The following SLC25A17 variants were observed in gnomAD, a reference collection of about 807,000 sequenced individuals.
The protein encoded by SLC25A17 is peroxisomal membrane protein PMP34.
In SLC25A17, 26 loss-of-function variants were observed where a neutral mutation model predicts 38.5. The ratio of observed to expected loss-of-function variants is 0.68; its 90% CI spans 0.50 to 0.94. SLC25A17 has a LOEUF of 0.94. Among genes scored for constraint, SLC25A17 ranks in the 40% least tolerant of loss-of-function variants. The pLI, the probability that SLC25A17 is intolerant of heterozygous loss-of-function variation, is 0.00. For missense variants in SLC25A17, 333 were observed against 372.7 expected, an observed-to-expected ratio of 0.89 and a Z score of 0.88; for synonymous variants, 139 against 136.2, an observed-to-expected ratio of 1.02 and a Z score of -0.14.
At chr22:40,774,369 A>C (rs1476441198) in intron 7 of SLC25A17, among the ~76,000 whole-genome samples, 2 of 152,040 alleles carry the variant, frequency 1.3e-5, no homozygotes, top group Admixed American at 1.3e-4. Context: ...GATTATAGAC[A>C]TGTACCACCA....
intron 4 of SLC25A17, among the ~76,000 whole-genome samples, chr22:40,787,517 T>C (rs1175741759): frequency 6.6e-6 from 1 of 152,110 alleles, no homozygotes; most frequent in African/African-American, 2.4e-5. Flanking sequence ...AAGCTTGAGG[T>C]AATTTGTATC....
At chr22:40,773,812 C>G (rs538906209) in intron 8 of SLC25A17, 125 bp downstream of exon 8, 1 of 722,686 alleles carries the variant, frequency 1.4e-6, no homozygotes, top group South Asian at 1.5e-5. Flanking sequence ...GCACAGCAAG[C>G]AAGGGAAAGG....
chr22:40,794,589 C>T lies in SLC25A17; in HGVS notation c.116-9G>A, dbSNP rs1200253108. The T allele has an allele frequency of 6.3e-7, 1 of 1,584,706 alleles. No individual in the cohort carries two copies. The highest frequency in any genetic ancestry group is 2.2e-5 in the East Asian group (1 of 44,642). ...TTTTCTTTTCTCATCAACTACAAGA[C>T]CAAACAGTGCATGTTTATTTTATTA... On this transcript the variant is annotated splice_polypyrimidine_tract_variant and intron_variant, in intron 2 of 8. Transcript: ENST00000435456.
intron 8 of SLC25A17, among the ~76,000 whole-genome samples, chr22:40,771,677 G>A (rs570876711): frequency 7.9e-5 from 12 of 152,282 alleles, no homozygotes; most frequent in African/African-American, 1.9e-4. Context: ...AACTCATGGA[G>A]ATAAAGGTAG....
At chr22:40,817,625 G>C (rs114292440) in intron 1 of SLC25A17, among the ~76,000 whole-genome samples, 1,963 of 152,070 alleles carry the variant, frequency 0.013, 38 homozygotes, top group African/African-American at 0.045. Context: ...TATATTCCAG[G>C]TCAATGATCA....
rs551340194 is a variant in SLC25A17, at chr22:40,790,009, T to C, written c.334+2516A>G. Among the ~76,000 whole-genome samples, 17 of 151,804 alleles carry C rather than the reference T, an allele frequency of 1.1e-4. No homozygotes were observed. In the South Asian group the frequency reaches 3.1e-3, roughly 28 times the overall value. ...ACACAGACCCGTAGACTCTCCTATGTGTCAACTGTAATCCTACCCCCTTCT... is the reference window on the plus strand; with the variant it reads ...ACACAGACCCGTAGACTCTCCTATGCGTCAACTGTAATCCTACCCCCTTCT... On this transcript the variant is annotated intron_variant, in intron 4 of 8. Transcript: ENST00000435456.
In SLC25A17 at chr22:40,811,289, C is replaced by G. The variant is rs6002164; in HGVS notation, c.54+7906G>C. The stretch of plus-strand genomic sequence containing the variant: ...TTTTTTTAGTAGAGATGCGGTTTCA[C>G]TGTGTTGGTCAAGCTGGTCTCAAAC... On this transcript the variant is annotated intron_variant, in intron 1 of 8. Coordinates refer to ENST00000435456, the MANE Select transcript of SLC25A17 (RefSeq NM_006358.4). Among the ~76,000 whole-genome samples the G allele has an allele frequency of 3.5e-3, 530 of 150,148 alleles. 4 individuals are homozygous for G. The highest frequency in any genetic ancestry group is 0.013 in the African/African-American group (510 of 40,652).
At position 40,777,252 on chromosome 22, in the gene SLC25A17, C is replaced by T. The variant is rs147363442; in HGVS notation, c.573G>A (p.Arg191=). Residue 191 remains arginine, a synonymous_variant, in exon 6 of 9, where the codon CGG becomes CGA. Transcript: ENST00000435456. ...IQFMFYEGLK[R]QLLKKRMKLS... ...CCTTCATCCGTTTCTTTAAAAGCTG[C>T]CGTTTTAAACCTTCATAAAACATGA... is the stretch of plus-strand genomic sequence containing the variant. The T allele has an allele frequency of 6.9e-4, 1,117 of 1,614,008 alleles. 13 individuals carry two copies. In the East Asian group the frequency reaches 0.023, roughly 33 times the overall value.
intron 1 of SLC25A17, among the ~76,000 whole-genome samples, chr22:40,803,212 G>A (rs944884793): frequency 1.3e-5 from 2 of 152,130 alleles, no homozygotes; most frequent in Admixed American, 6.5e-5. Flanking sequence ...TCCTGCCTCA[G>A]ATTCCCGAGT....
chr22:40,787,150 A>T (rs570772479), intron 4 of SLC25A17, among the ~76,000 whole-genome samples: 1 of 152,338 alleles, frequency 6.6e-6, no homozygotes, highest in East Asian at 1.9e-4. Context: ...GAAACAAGGA[A>T]AGATTCCTGA....
intron 4 of SLC25A17, among the ~76,000 whole-genome samples, chr22:40,783,130 A>G (rs1165007241): frequency 6.6e-6 from 1 of 152,222 alleles, no homozygotes; most frequent in Non-Finnish European, 1.5e-5. Context: ...TCACAAAAGT[A>G]ATTTTCAAGG....
chr22:40,814,176 T>C (rs1007482672), intron 1 of SLC25A17, among the ~76,000 whole-genome samples: 1 of 152,212 alleles, frequency 6.6e-6, no homozygotes, highest in African/African-American at 2.4e-5. Context: ...TATCAGTCCT[T>C]ACCAGAAGAC....
At chr22:40,812,785 T>C (rs955383383) in intron 1 of SLC25A17, among the ~76,000 whole-genome samples, 2 of 151,596 alleles carry the variant, frequency 1.3e-5, no homozygotes, top group African/African-American at 2.4e-5. Context: ...GAGAATGGCT[T>C]GAGCTCAGGA....
chr22:40,816,632 C>T lies in SLC25A17; in HGVS notation c.54+2563G>A, dbSNP rs12158763. On this transcript the variant is annotated intron_variant, in intron 1 of 8. Coordinates refer to ENST00000435456, the MANE Select transcript of SLC25A17 (RefSeq NM_006358.4). ...TTGTTTTTTTTTTTTTTTCTTGAGA[C>T]GGAGTCTTGCTCTTGTCACCCAGGC... 4.1e-3 allele frequency among the ~76,000 whole-genome samples: 573 copies of T among 141,096 alleles called. 3 individuals are homozygous for T. Among genetic ancestry groups the T allele is most frequent in the African/African-American group, 0.015 (549 of 37,782 alleles). 92.6% of individuals were successfully genotyped at this position (141,096 alleles called of 152,430 possible).
chr22:40,782,248 C>T (rs2057301875), intron 4 of SLC25A17, among the ~76,000 whole-genome samples: 1 of 151,740 alleles, frequency 6.6e-6, no homozygotes. Context: ...ACAACAACAA[C>T]AACTCTTCCG....
intron 8 of SLC25A17, 92 bp from the exon 9 acceptor site, chr22:40,771,073 G>A: frequency 8.9e-7 from 1 of 1,120,174 alleles, no homozygotes; most frequent in Non-Finnish European, 1.2e-6. Context: ...ACAAGCAATA[G>A]AGGTTTTAGA....
intron 2 of SLC25A17, 123 bp from the exon 3 acceptor site, chr22:40,794,703 T>A (rs2057412631): frequency 4.6e-6 from 2 of 431,110 alleles, no homozygotes; most frequent in South Asian, 6.2e-5. Context: ...CACTGCAACC[T>A]CCACCTCCTG....
At chr22:40,777,164 T>A in intron 6 of SLC25A17, 29 bp from the exon 7 acceptor site, 1 of 1,613,704 alleles carries the variant, frequency 6.2e-7, no homozygotes, top group East Asian at 2.2e-5. Context: ...ACAAACCATA[T>A]CAATCAAGTC....
intron 7 of SLC25A17, among the ~76,000 whole-genome samples, chr22:40,774,311 C>T (rs1223526272): frequency 6.6e-6 from 1 of 151,694 alleles, no homozygotes; most frequent in East Asian, 1.9e-4. Flanking sequence ...GCAACCTCCA[C>T]CTCCCAGGTT....
Sources: allele counts gnomAD v4.1 joint callset (sites outside exome capture counted in the v4.1 genomes callset), GRCh38; gene constraint gnomAD v4.1.1; transcripts MANE v1.5; gene names NCBI Gene and HGNC (gene_info 2026-07-23, HGNC 2026-07-21).